Variants in COL19A1 observed in about 807,000 individuals in gnomAD.
COL19A1 encodes the protein collagen alpha-1(XIX) chain.
In COL19A1, 159 loss-of-function variants were observed where a neutral mutation model predicts 190.2. The observed-to-expected ratio is 0.84, with a 90% CI of 0.73 to 0.95. The LOEUF (loss-of-function observed/expected upper bound fraction) is 0.95, where lower values mean the gene tolerates loss of function less well. COL19A1 is among the 40% of genes least tolerant of loss of function. The pLI is 0.00. For synonymous variants in COL19A1, 509 were observed against 458.9 expected (o/e 1.11, Z -1.39); for missense variants, 1,418 against 1,431.9 (o/e 0.99, Z 0.16).
chr6:69,950,674 CCACACA>C (rs56757599), intron 9 of COL19A1, among the ~76,000 whole-genome samples: 7,609 of 136,196 alleles, frequency 0.056, 208 homozygotes, highest in Middle Eastern at 0.076. Flanking sequence ...ATGAATGCAG[CCACACA>C]CACACACACA....
intron 15 of COL19A1, among the ~76,000 whole-genome samples, chr6:70,088,339 TAATTAATA>T (rs1782703921): frequency 6.6e-6 from 1 of 152,296 alleles, no homozygotes; most frequent in African/African-American, 2.4e-5. Flanking sequence ...CAGATTCACT[TAATTAATA>T]AATGAAAGAG....
intron 14 of COL19A1, among the ~76,000 whole-genome samples, chr6:70,036,662 T>C (rs1389732515): frequency 6.6e-6 from 1 of 151,694 alleles, no homozygotes; most frequent in Non-Finnish European, 1.5e-5. Context: ...AGGACAGTTT[T>C]GTTTTGTTTT....
At chr6:70,049,046 G>A (rs1780054943) in intron 14 of COL19A1, among the ~76,000 whole-genome samples, 1 of 151,748 alleles carries the variant, frequency 6.6e-6, no homozygotes, top group African/African-American at 2.4e-5. Context: ...ACATATAAAT[G>A]TATATATTAT....
chr6:70,063,849 C>G (rs1781001837), intron 14 of COL19A1, among the ~76,000 whole-genome samples: 1 of 152,142 alleles, frequency 6.6e-6, no homozygotes, highest in African/African-American at 2.4e-5. Flanking sequence ...CTATAAACAC[C>G]TCTATGGAAA....
chr6:70,021,751 T>C (rs542239757), intron 11 of COL19A1, among the ~76,000 whole-genome samples: 1 of 152,304 alleles, frequency 6.6e-6, no homozygotes, highest in East Asian at 1.9e-4. Context: ...GCACTTGAAA[T>C]GTAGCTAGGG....
intron 15 of COL19A1, among the ~76,000 whole-genome samples, chr6:70,097,939 A>G (rs191199027): frequency 2.6e-5 from 4 of 152,212 alleles, no homozygotes; most frequent in African/African-American, 9.6e-5. Context: ...TATCTCCAGG[A>G]TTTTCACTCC....
chr6:69,926,208 T>A (rs57358062), intron 4 of COL19A1, among the ~76,000 whole-genome samples: 27,721 of 152,006 alleles, frequency 0.18, 3,196 homozygotes, highest in African/African-American at 0.32. Context: ...CTTCAGTATT[T>A]TATTGGCTGT....
At chr6:70,199,194 A>G (rs973221257) in intron 48 of COL19A1, among the ~76,000 whole-genome samples, 6 of 152,364 alleles carry the variant, frequency 3.9e-5, no homozygotes, top group Non-Finnish European at 5.9e-5. Context: ...ACAGTGTCAA[A>G]GAATTCATGA....
chr6:70,141,010 T>C, intron 20 of COL19A1, 21 bp downstream of exon 20: 1 of 1,599,478 alleles, frequency 6.3e-7, no homozygotes, highest in Non-Finnish European at 8.6e-7. Context: ...ATTTTATCAC[T>C]ACCTTGGGTT....
chr6:70,091,497 G>GAAATTGT (rs1782923597), intron 15 of COL19A1, among the ~76,000 whole-genome samples: 1 of 152,116 alleles, frequency 6.6e-6, no homozygotes, highest in African/African-American at 2.4e-5. Flanking sequence ...CTGGGCACAT[G>GAAATTGT]CCAGCTGAAA....
At chr6:70,157,030 G>A (rs1228176500) in intron 34 of COL19A1, among the ~76,000 whole-genome samples, 1 of 152,006 alleles carries the variant, frequency 6.6e-6, no homozygotes, top group Non-Finnish European at 1.5e-5. Flanking sequence ...AAGGAGGAAG[G>A]GAAAATTTAC....
intron 2 of COL19A1, among the ~76,000 whole-genome samples, chr6:69,898,502 A>G (rs2149970563): frequency 6.6e-6 from 1 of 152,172 alleles, no homozygotes; most frequent in East Asian, 1.9e-4. Context: ...TTTAAATTTT[A>G]TTTTAGTAAC....
At chr6:70,120,384 T>A (rs1359650059) in intron 16 of COL19A1, among the ~76,000 whole-genome samples, 1 of 152,184 alleles carries the variant, frequency 6.6e-6, no homozygotes, top group African/African-American at 2.4e-5. Flanking sequence ...TGCCTCATTA[T>A]ATGTTTGCAG....
rs34661203 is a variant in COL19A1, at chr6:70,144,263, G to A, written c.1680G>A (p.Lys560=). The change falls in exon 24 of 51, where the codon AAG becomes AAA. Residue 560 remains lysine, a splice_region_variant and synonymous_variant. Coordinates refer to ENST00000620364, the MANE Select transcript of COL19A1 (RefSeq NM_001858.6). ...IPGKQGIKGE[K]GDPGGIIGPP... is the part of the protein sequence containing the mutation. ...GAAAACAAGGCATTAAAGGAGAAAA[G>A]GTATAGTTTACATTTTCCTCATTTT... The A allele has an allele frequency of 6.2e-7, 1 of 1,611,058 alleles. No individual in the cohort carries two copies. Among genetic ancestry groups the A allele is most frequent in the Non-Finnish European group, 8.5e-7 (1 of 1,177,952 alleles).
At chr6:70,155,140 A>G (rs190015844) in intron 31 of COL19A1, among the ~76,000 whole-genome samples, 3 of 152,230 alleles carry the variant, frequency 2.0e-5, no homozygotes, top group East Asian at 1.9e-4. Flanking sequence ...TGAAAATCAG[A>G]TTTACATTGC....
At chr6:70,045,137 A>G (rs1248220971) in intron 14 of COL19A1, among the ~76,000 whole-genome samples, 1 of 151,930 alleles carries the variant, frequency 6.6e-6, no homozygotes, top group East Asian at 1.9e-4. Context: ...AAATGGAGAA[A>G]TGCCATCTCA....
chr6:69,980,389 C>A (rs1286878304), intron 11 of COL19A1, among the ~76,000 whole-genome samples: 1 of 151,960 alleles, frequency 6.6e-6, no homozygotes, highest in Non-Finnish European at 1.5e-5. Flanking sequence ...CTATTTTATA[C>A]CCTATATAAA....
At chr6:70,161,207 T>A (rs1583056840) in intron 34 of COL19A1, among the ~76,000 whole-genome samples, 1 of 152,314 alleles carries the variant, frequency 6.6e-6, no homozygotes, top group East Asian at 1.9e-4. Context: ...TATAATAAAC[T>A]GACAAGCTAA....
intron 4 of COL19A1, among the ~76,000 whole-genome samples, chr6:69,902,443 C>A (rs1204176483): frequency 1.3e-5 from 2 of 152,128 alleles, no homozygotes; most frequent in Non-Finnish European, 2.9e-5. Flanking sequence ...ATGCCTTGAG[C>A]CTTGCTTAAT....
Sources: allele counts gnomAD v4.1 joint callset (sites outside exome capture counted in the v4.1 genomes callset), GRCh38; gene constraint gnomAD v4.1.1; transcripts MANE v1.5; gene names NCBI Gene and HGNC (gene_info 2026-07-23, HGNC 2026-07-21).